TEKT1: variants seen among roughly 807,000 people sequenced by gnomAD.
The protein encoded by TEKT1 is tektin 1.
A neutral mutation model predicts 34.8 loss-of-function variants in TEKT1; 32 were observed. The ratio of observed to expected loss-of-function variants is 0.92; its 90% CI spans 0.69 to 1.23. The LOEUF (loss-of-function observed/expected upper bound fraction) is 1.23, where lower values mean the gene tolerates loss of function less well. TEKT1 is among the 50% of genes most tolerant of loss of function. The pLI is 0.00. For synonymous variants in TEKT1, 207 were observed against 199.8 expected, an observed-to-expected ratio of 1.04 and a Z score of -0.30; for missense variants, 492 against 518.5, an observed-to-expected ratio of 0.95 and a Z score of 0.50.
At chr17:6,816,424 C>A (rs540916389) in intron 3 of TEKT1, among the ~76,000 whole-genome samples, 1 of 152,186 alleles carries the variant, frequency 6.6e-6, no homozygotes, top group African/African-American at 2.4e-5. Context: ...ATGTTCCCTG[C>A]CCTTTGTCTA....
intron 6 of TEKT1, among the ~76,000 whole-genome samples, chr17:6,810,317 G>A (rs1597787763): frequency 1.3e-5 from 2 of 152,198 alleles, no homozygotes; most frequent in African/African-American, 4.8e-5. Context: ...TTTGTAGTTG[G>A]TCTGTTTTCC....
At chr17:6,825,050 T>C (rs1237655410) in intron 2 of TEKT1, among the ~76,000 whole-genome samples, 2 of 151,282 alleles carry the variant, frequency 1.3e-5, no homozygotes, top group South Asian at 2.1e-4. Context: ...GCTAAGAAGA[T>C]GAAGAACAAA....
chr17:6,806,561 G>A (rs989960672), intron 6 of TEKT1, among the ~76,000 whole-genome samples: 9 of 152,250 alleles, frequency 5.9e-5, no homozygotes, highest in Admixed American at 1.3e-4. Flanking sequence ...TCTTCCTAGC[G>A]TCGATGGTCT....
chr17:6,818,873 C>T (rs1318828678), intron 3 of TEKT1, among the ~76,000 whole-genome samples: 2 of 152,186 alleles, frequency 1.3e-5, no homozygotes, highest in African/African-American at 4.8e-5. Context: ...GACTGACTAT[C>T]TCTAGACTCT....
At chr17:6,804,699 T>C (rs891623730) in intron 6 of TEKT1, among the ~76,000 whole-genome samples, 7 of 152,246 alleles carry the variant, frequency 4.6e-5, no homozygotes, top group Non-Finnish European at 8.8e-5. Context: ...AAAGGCCTTT[T>C]CTGCATCTAT....
intron 2 of TEKT1, among the ~76,000 whole-genome samples, chr17:6,826,022 G>A (rs1056998868): frequency 6.6e-6 from 1 of 152,226 alleles, no homozygotes; most frequent in Non-Finnish European, 1.5e-5. Context: ...TACTGCCAAA[G>A]CTTTCCAAAG....
intron 2 of TEKT1, among the ~76,000 whole-genome samples, chr17:6,826,888 A>G (rs546924287): frequency 4.6e-4 from 70 of 151,784 alleles, no homozygotes; most frequent in East Asian, 3.3e-3. Flanking sequence ...GTAGAGATGG[A>G]GTTTCACCAT....
intron 2 of TEKT1, among the ~76,000 whole-genome samples, chr17:6,825,267 A>G (rs1287287334): frequency 6.6e-6 from 1 of 152,140 alleles, no homozygotes; most frequent in African/African-American, 2.4e-5. Flanking sequence ...TAGATTGGAA[A>G]ATTGAGTAGT....
chr17:6,808,433 A>G (rs866521601), intron 6 of TEKT1, among the ~76,000 whole-genome samples: 40 of 151,302 alleles, frequency 2.6e-4, no homozygotes, highest in African/African-American at 7.8e-4. Context: ...GCAATGCCTC[A>G]CCGTGCTTCG....
chr17:6,807,787 T>C (rs985157715), intron 6 of TEKT1, among the ~76,000 whole-genome samples: 16 of 152,134 alleles, frequency 1.1e-4, no homozygotes, highest in Admixed American at 2.0e-4. Flanking sequence ...ACAGCGGATA[T>C]TGGTGAACGG....
In TEKT1 at chr17:6,800,003, T is replaced by C. The variant is rs1435477603; in HGVS notation, c.*24A>G. The C allele has an allele frequency of 7.5e-6, 12 of 1,590,904 alleles. No homozygotes were observed. Among genetic ancestry groups the C allele is most frequent in the Non-Finnish European group, 9.4e-6 (11 of 1,174,116 alleles). Reference sequence around the variant, plus strand: ...AACTACTGTTTACAATGTGGTTTAATGAGAATTGGAACTAGCCCTACTATT... The same window carrying C: ...AACTACTGTTTACAATGTGGTTTAACGAGAATTGGAACTAGCCCTACTATT... On this transcript the variant is annotated 3_prime_UTR_variant, in exon 8 of 8. Transcript: ENST00000338694.
intron 3 of TEKT1, 35 bp downstream of exon 3, chr17:6,819,158 A>G: frequency 6.3e-7 from 1 of 1,597,148 alleles, no homozygotes; most frequent in Admixed American, 1.7e-5. Context: ...CATTTGTCAC[A>G]ACACATGAAT....
chr17:6,806,622 T>C (rs1976848231), intron 6 of TEKT1, among the ~76,000 whole-genome samples: 1 of 152,212 alleles, frequency 6.6e-6, no homozygotes, highest in South Asian at 2.1e-4. Flanking sequence ...TTCCTTTCCA[T>C]GTTTAGTGCT....
rs1485758007 is a variant in TEKT1, at chr17:6,826,138, A to T, written c.190+4049T>A. Among the ~76,000 whole-genome samples, 3 of 152,132 alleles carry T rather than the reference A, an allele frequency of 2.0e-5. No individual in the cohort carries two copies. The East Asian group carries it at 5.8e-4, about 29-fold the overall frequency. ...TGTTCTCTTCCTTCTTTTTAATTGT[A>T]GCCATTCCATGGCTGTATAATGGCA... On this transcript the variant is annotated intron_variant, in intron 2 of 7. Transcript: ENST00000338694.
chr17:6,800,255 G>A (rs894967892), intron 7 of TEKT1, 21 bp from the exon 8 acceptor site: 20 of 1,607,296 alleles, frequency 1.2e-5, no homozygotes, highest in Admixed American at 1.7e-5. Context: ...GGGAAGAAGA[G>A]AAGAGAATAA....
chr17:6,808,075 C>T (rs1976870724), intron 6 of TEKT1, among the ~76,000 whole-genome samples: 3 of 152,216 alleles, frequency 2.0e-5, no homozygotes, highest in Admixed American at 2.0e-4. Context: ...GTGGAGTCTA[C>T]AGAGGCAGGC....
rs777156320 is a variant in TEKT1 at position 6,815,262 on chromosome 17, T to A, written c.530A>T (p.Asp177Val). The change falls in exon 5 of 8, where the codon GAC becomes GTC. Residue 177 changes from aspartate to valine, a missense_variant. Asp to Val is a radical substitution (Grantham distance 152). Coordinates refer to ENST00000338694, the MANE Select transcript of TEKT1 (RefSeq NM_053285.2). Reference protein sequence around the residue: ...AKYNLEKDLKDKFVALTIDDI... With the variant: ...AKYNLEKDLKVKFVALTIDDI... Reference sequence around the variant, plus strand: ...ATCTATGGTCAGGGCCACAAACTTGTCCTTCAAATCCTTCTCAAGATTGTA... The same window carrying A: ...ATCTATGGTCAGGGCCACAAACTTGACCTTCAAATCCTTCTCAAGATTGTA... The A allele has an allele frequency of 1.9e-6, 3 of 1,614,248 alleles. No homozygotes were observed. Among genetic ancestry groups the A allele is most frequent in the Non-Finnish European group, 8.5e-7 (1 of 1,180,044 alleles).
At chr17:6,820,176 C>T (rs1488612600) in intron 2 of TEKT1, among the ~76,000 whole-genome samples, 3 of 152,070 alleles carry the variant, frequency 2.0e-5, no homozygotes, top group Non-Finnish European at 4.4e-5. Context: ...TATTTATTTA[C>T]ATTTTGTAAA....
At chr17:6,819,385 G>A (rs757036022) in intron 2 of TEKT1, 27 bp from the exon 3 acceptor site, 10 of 1,593,984 alleles carry the variant, frequency 6.3e-6, no homozygotes, top group Non-Finnish European at 8.5e-6. Context: ...AGTTACACCA[G>A]GGCTAATCTA....
Sources: gnomAD v4.1 joint callset for allele counts (sites outside exome capture counted in the v4.1 genomes callset) on GRCh38, gnomAD v4.1.1 for gene constraint, MANE v1.5 for transcripts, NCBI Gene and HGNC (gene_info 2026-07-23, HGNC 2026-07-21) for gene names.